Variants in CPEB1 observed in about 807,000 individuals in gnomAD.
CPEB1 encodes the protein cytoplasmic polyadenylation element binding protein 1, also known as cytoplasmic polyadenylation element-binding protein 1.
CPEB1 carries 7 observed loss-of-function variants against 65.8 expected under a neutral mutation model. The ratio of observed to expected loss-of-function variants is 0.11; its 90% CI spans 0.06 to 0.20. CPEB1 has a LOEUF of 0.20. Among genes scored for constraint, CPEB1 ranks in the 10% least tolerant of loss-of-function variants. The pLI, the probability that CPEB1 is intolerant of heterozygous loss-of-function variation, is 1.00. For missense variants in CPEB1, 551 were observed against 712.2 expected (o/e 0.77, Z 2.58); for synonymous variants, 262 against 260.0 (o/e 1.01, Z -0.08).
At chr15:82,645,867 CA>C (rs869261110) in intron 1 of CPEB1, among the ~76,000 whole-genome samples, 11 of 115,614 alleles carry the variant, frequency 9.5e-5, no homozygotes, top group Non-Finnish European at 1.8e-4. Flanking sequence ...GACTCCCTCT[CA>C]AAATAAATAA....
At chr15:82,580,793 T>C (rs2041210580) in intron 3 of CPEB1, among the ~76,000 whole-genome samples, 2 of 152,182 alleles carry the variant, frequency 1.3e-5, no homozygotes, top group African/African-American at 4.8e-5. Flanking sequence ...ATCAGGCTTA[T>C]TTTACTTAGC....
intron 3 of CPEB1, among the ~76,000 whole-genome samples, chr15:82,605,266 G>C (rs888067321): frequency 6.6e-6 from 1 of 152,158 alleles, no homozygotes; most frequent in Admixed American, 6.5e-5. Context: ...AAGAATGCTA[G>C]ACAGTTACTT....
At chr15:82,596,938 A>G (rs992077286) in intron 3 of CPEB1, among the ~76,000 whole-genome samples, 3 of 152,330 alleles carry the variant, frequency 2.0e-5, no homozygotes, top group African/African-American at 7.2e-5. Context: ...TCATCCTCCA[A>G]TGCTGAAATG....
intron 3 of CPEB1, among the ~76,000 whole-genome samples, chr15:82,602,884 G>T (rs1395315545): frequency 6.6e-6 from 1 of 152,000 alleles, no homozygotes; most frequent in Non-Finnish European, 1.5e-5. Flanking sequence ...TAAAATCAAT[G>T]ATCAGGGTAA....
intron 3 of CPEB1, among the ~76,000 whole-genome samples, chr15:82,593,656 CAGA>C (rs1008928300): frequency 6.6e-6 from 1 of 152,176 alleles, no homozygotes; most frequent in Non-Finnish European, 1.5e-5. Flanking sequence ...GAATCCTTTC[CAGA>C]AGGTTTTCCC....
Position 82,628,514 on chromosome 15 carries a change from C to T in CPEB1, c.-55G>A, listed in dbSNP as rs369764958. 5.7e-5 allele frequency: 40 copies of T among 699,098 alleles called. No individual in the cohort carries two copies. The African/African-American group carries it at 6.8e-4, about 12-fold the overall frequency. 43.3% of individuals were successfully genotyped at this position (699,098 alleles called of 1,614,324 possible). ...TCCGATTATTCAAGGCTGCTTTTGA[C>T]TTCTTTTACAATACAGACCCTTCTA... On this transcript the variant is annotated 5_prime_UTR_variant, in exon 2 of 13. Coordinates refer to ENST00000684509, the MANE Select transcript of CPEB1 (RefSeq NM_001365242.1).
intron 6 of CPEB1, among the ~76,000 whole-genome samples, chr15:82,554,675 A>G (rs1145173): frequency 0.41 from 62,126 of 152,136 alleles, 12,740 homozygotes; most frequent in South Asian, 0.47. Context: ...GACCTTAGTG[A>G]GGACTAGCTA....
intron 3 of CPEB1, among the ~76,000 whole-genome samples, chr15:82,609,439 T>C (rs1314299728): frequency 6.6e-6 from 1 of 151,720 alleles, no homozygotes; most frequent in African/African-American, 2.4e-5. Flanking sequence ...AGGTCGCGGC[T>C]GCAGTGAGCT....
chr15:82,605,506 T>C (rs777357315), intron 3 of CPEB1, among the ~76,000 whole-genome samples: 2 of 152,172 alleles, frequency 1.3e-5, no homozygotes, highest in Non-Finnish European at 2.9e-5. Flanking sequence ...TGTATACAAC[T>C]ATACAATGTA....
At chr15:82,561,593 A>AT (rs974725561) in intron 4 of CPEB1, among the ~76,000 whole-genome samples, 2 of 152,158 alleles carry the variant, frequency 1.3e-5, no homozygotes, top group African/African-American at 4.8e-5. Flanking sequence ...TTTAAAAGGT[A>AT]TTTTGGAAAG....
chr15:82,555,372 T>C (rs879440989), intron 6 of CPEB1, among the ~76,000 whole-genome samples: 3 of 152,184 alleles, frequency 2.0e-5, no homozygotes, highest in Non-Finnish European at 4.4e-5. Context: ...CTCCTCACTT[T>C]AGAGGTTGAC....
In CPEB1 at chr15:82,631,722, A is replaced by T. The variant is rs528984882; in HGVS notation, c.-97-3166T>A. On this transcript the variant is annotated intron_variant, in intron 1 of 12. Transcript: ENST00000684509. ...TTCTCTGAAGACTCCAGGCCCTTCT[A>T]TTCCTGGTACCCCCTAACTCTTCCT... Among the ~76,000 whole-genome samples the T allele has an allele frequency of 1.6e-4, 24 of 152,260 alleles. 1 individual carries two copies. The South Asian group carries it at 5.0e-3, about 32-fold the overall frequency.
At chr15:82,605,583 GAATAT>G (rs1041010006) in intron 3 of CPEB1, among the ~76,000 whole-genome samples, 1 of 152,076 alleles carries the variant, frequency 6.6e-6, no homozygotes, top group African/African-American at 2.4e-5. Flanking sequence ...GTGAGGTAAT[GAATAT>G]ATTAGCTTTA....
chr15:82,579,111 C>T (rs1217497237), intron 3 of CPEB1, among the ~76,000 whole-genome samples: 1 of 152,154 alleles, frequency 6.6e-6, no homozygotes, highest in African/African-American at 2.4e-5. Context: ...GCATGAACCA[C>T]CATGCCCAGC....
chr15:82,645,902 T>C lies in CPEB1; in HGVS notation c.-98+1235A>G, dbSNP rs374329049. Among the ~76,000 whole-genome samples the C allele has an allele frequency of 2.1e-3, 313 of 151,594 alleles. 1 individual carries two copies. Among genetic ancestry groups the C allele is most frequent in the African/African-American group, 7.4e-3 (307 of 41,310 alleles). ...AAATAAATAAATAAATATTAAAAAA[T>C]AAAAAGCCAAACTCCTACAGCAACG... is the stretch of plus-strand genomic sequence containing the variant. On this transcript the variant is annotated intron_variant, in intron 1 of 12. Coordinates refer to ENST00000684509, the MANE Select transcript of CPEB1 (RefSeq NM_001365242.1).
chr15:82,602,616 C>A (rs1019761980), intron 3 of CPEB1, among the ~76,000 whole-genome samples: 1 of 152,054 alleles, frequency 6.6e-6, no homozygotes, highest in Non-Finnish European at 1.5e-5. Flanking sequence ...GAGGCCGAGG[C>A]GAATGGATCA....
At chr15:82,599,290 A>T (rs750672070) in intron 3 of CPEB1, among the ~76,000 whole-genome samples, 4 of 152,174 alleles carry the variant, frequency 2.6e-5, no homozygotes, top group Non-Finnish European at 5.9e-5. Flanking sequence ...CCATCACACT[A>T]ATCTTTACAG....
intron 4 of CPEB1, among the ~76,000 whole-genome samples, chr15:82,567,989 A>G (rs753293914): frequency 5.3e-5 from 8 of 152,208 alleles, no homozygotes; most frequent in Non-Finnish European, 1.0e-4. Flanking sequence ...AGATCTCATC[A>G]AGGGAGCACA....
In CPEB1 at chr15:82,544,536, G is replaced by T; in HGVS notation, c.*56C>A. 7.2e-7 allele frequency: 1 copy of T among 1,384,258 alleles called. No homozygotes were observed. Among genetic ancestry groups the T allele is most frequent in the Non-Finnish European group, 1.0e-6 (1 of 987,674 alleles). 85.7% of individuals were successfully genotyped at this position (1,384,258 alleles called of 1,614,324 possible). A position where few individuals can be genotyped will look rare whatever the true frequency, so the allele number is the denominator to read the frequency against. On this transcript the variant is annotated 3_prime_UTR_variant, in exon 13 of 13. Transcript: ENST00000684509. ...CGCCAGTGGCAGGGTGGTGCAGGCT[G>T]CTTGCCTGACCTGCCAGCTTTGGGC...
Sources: gnomAD v4.1 joint callset for allele counts (sites outside exome capture counted in the v4.1 genomes callset) on GRCh38, gnomAD v4.1.1 for gene constraint, MANE v1.5 for transcripts, NCBI Gene and HGNC (gene_info 2026-07-23, HGNC 2026-07-21) for gene names.